NAALADL2: variants seen among roughly 807,000 people sequenced by gnomAD.
NAALADL2 encodes the protein N-acetylated alpha-linked acidic dipeptidase like 2, also known as inactive N-acetylated-alpha-linked acidic dipeptidase-like protein 2.
A neutral mutation model predicts 87.2 loss-of-function variants in NAALADL2; 76 were observed. The ratio of observed to expected loss-of-function variants is 0.87; its 90% confidence interval spans 0.72 to 1.05. The LOEUF is 1.05. Ranked by LOEUF, NAALADL2 falls within the 50% of genes least tolerant of loss-of-function variation. The probability of loss-of-function intolerance (pLI) is 0.00; values close to 1 mark genes in which losing one functional copy is unlikely to be tolerated. For missense variants in NAALADL2, 1,089 were observed against 945.8 expected (o/e 1.15, Z -1.99); for synonymous variants, 354 against 331.0 (o/e 1.07, Z -0.75).
At chr3:175,012,229 G>A (rs1349500560) in intron 1 of NAALADL2, among the ~76,000 whole-genome samples, 1 of 152,128 alleles carries the variant, frequency 6.6e-6, no homozygotes, top group Non-Finnish European at 1.5e-5. Flanking sequence ...CAATGGCCCA[G>A]TCTGGGCTCA....
At chr3:175,578,876 G>A (rs1719309022) in intron 10 of NAALADL2, among the ~76,000 whole-genome samples, 1 of 152,196 alleles carries the variant, frequency 6.6e-6, no homozygotes, top group East Asian at 1.9e-4. Context: ...CTGCCATGTT[G>A]TTTGTCCAAG....
At chr3:174,613,259 G>T (rs1489039696) in intron 2 of NAALADL2, among the ~76,000 whole-genome samples, 1 of 144,598 alleles carries the variant, frequency 6.9e-6, no homozygotes, top group African/African-American at 2.7e-5. Context: ...ATGGTACTGG[G>T]TCTTGCCCAA....
intron 1 of NAALADL2, among the ~76,000 whole-genome samples, chr3:174,455,898 A>G (rs762571099): frequency 2.5e-4 from 38 of 152,168 alleles, no homozygotes; most frequent in Non-Finnish European, 4.9e-4. Flanking sequence ...AAAGAAAAAA[A>G]GGGCATCCAA....
At chr3:175,375,287 A>T (rs1767008780) in intron 5 of NAALADL2, among the ~76,000 whole-genome samples, 1 of 152,150 alleles carries the variant, frequency 6.6e-6, no homozygotes, top group African/African-American at 2.4e-5. Flanking sequence ...TTCAATATAA[A>T]TTTTAAAATA....
chr3:175,441,106 A>G (rs1322743780), intron 5 of NAALADL2, among the ~76,000 whole-genome samples: 1 of 152,038 alleles, frequency 6.6e-6, no homozygotes, highest in Non-Finnish European at 1.5e-5. Context: ...TATAAATTAC[A>G]CTATAAAAAA....
intron 4 of NAALADL2, among the ~76,000 whole-genome samples, chr3:175,289,441 G>A (rs1252626392): frequency 6.6e-6 from 1 of 151,980 alleles, no homozygotes; most frequent in East Asian, 1.9e-4. Context: ...CAAAAAGAGA[G>A]AACCTTGACC....
intron 11 of NAALADL2, among the ~76,000 whole-genome samples, chr3:175,656,601 A>T (rs1025774958): frequency 7.2e-5 from 11 of 152,240 alleles, no homozygotes; most frequent in East Asian, 3.9e-4. Context: ...TATTTTTTTT[A>T]AAAGATAATA....
intron 2 of NAALADL2, among the ~76,000 whole-genome samples, chr3:174,573,301 T>C (rs1375622106): frequency 7.9e-5 from 12 of 152,156 alleles, no homozygotes; most frequent in Admixed American, 7.9e-4. Flanking sequence ...ATGGTCTTAC[T>C]CTGTTGCCCA....
chr3:175,084,552 G>A lies in NAALADL2; in HGVS notation c.44-12238G>A, dbSNP rs113041369. On this transcript the variant is annotated intron_variant, in intron 1 of 13. Coordinates refer to ENST00000454872, the MANE Select transcript of NAALADL2 (RefSeq NM_207015.3). ...ATTACAGTCTGCATAAGACACCTCA[G>A]CATATAAATGTCTCACTATCAATCT... Among the ~76,000 whole-genome samples the A allele has an allele frequency of 6.9e-3, 1,046 of 152,208 alleles. 20 individuals are homozygous for A. Among genetic ancestry groups the A allele is most frequent in the African/African-American group, 0.024 (1,008 of 41,536 alleles).
chr3:175,159,114 C>A (rs905099260), intron 2 of NAALADL2, among the ~76,000 whole-genome samples: 9 of 152,068 alleles, frequency 5.9e-5, no homozygotes, highest in African/African-American at 1.4e-4. Flanking sequence ...CAGATCGATT[C>A]TTTTAGCTTA....
intron 11 of NAALADL2, among the ~76,000 whole-genome samples, chr3:175,669,728 A>T (rs1733676681): frequency 6.6e-6 from 1 of 151,956 alleles, no homozygotes; most frequent in African/African-American, 2.4e-5. Context: ...AAATTAAGGC[A>T]ATATAAGGTA....
chr3:174,526,826 G>A (rs1230886969), intron 1 of NAALADL2, among the ~76,000 whole-genome samples: 1 of 151,820 alleles, frequency 6.6e-6, no homozygotes, highest in African/African-American at 2.4e-5. Context: ...ACAGGCATGT[G>A]CCCCCACACC....
intron 3 of NAALADL2, among the ~76,000 whole-genome samples, chr3:174,817,652 TG>T (rs1156682013): frequency 2.0e-5 from 3 of 152,080 alleles, no homozygotes; most frequent in African/African-American, 7.2e-5. Flanking sequence ...AAATAAAAAT[TG>T]GGGGGAGTGC....
chr3:175,538,349 TC>T (rs1711643578), intron 9 of NAALADL2, among the ~76,000 whole-genome samples: 1 of 152,042 alleles, frequency 6.6e-6, no homozygotes, highest in Admixed American at 6.6e-5. Flanking sequence ...TAACATTTTT[TC>T]CTCCTTAAGT....
intron 3 of NAALADL2, among the ~76,000 whole-genome samples, chr3:174,778,638 C>A (rs1715539110): frequency 6.6e-6 from 1 of 151,986 alleles, no homozygotes; most frequent in Non-Finnish European, 1.5e-5. Flanking sequence ...AGACCCCCAC[C>A]CTGCAACAGG....
chr3:175,381,476 T>G (rs1405998434), intron 5 of NAALADL2, among the ~76,000 whole-genome samples: 1 of 152,064 alleles, frequency 6.6e-6, no homozygotes, highest in African/African-American at 2.4e-5. Flanking sequence ...ATCATATTTA[T>G]TAGTAATGAT....
intron 1 of NAALADL2, among the ~76,000 whole-genome samples, chr3:174,865,076 T>C (rs1189302146): frequency 6.6e-6 from 1 of 152,010 alleles, no homozygotes; most frequent in African/African-American, 2.4e-5. Flanking sequence ...ATCTGCATAG[T>C]CGAACACTTC....
At chr3:175,589,821 C>T (rs62284494) in intron 10 of NAALADL2, among the ~76,000 whole-genome samples, 17,038 of 147,626 alleles carry the variant, frequency 0.12, 1,256 homozygotes, top group Non-Finnish European at 0.17. Context: ...AAACCAAAAA[C>T]CTCCCCGAAT....
intron 2 of NAALADL2, among the ~76,000 whole-genome samples, chr3:174,638,444 G>T (rs1410717468): frequency 6.6e-6 from 1 of 152,130 alleles, no homozygotes. Flanking sequence ...TTTCATGGAA[G>T]GCTAAACAGA....
Sources: allele counts gnomAD v4.1 joint callset (sites outside exome capture counted in the v4.1 genomes callset), GRCh38; gene constraint gnomAD v4.1.1; transcripts MANE v1.5; gene names NCBI Gene and HGNC (gene_info 2026-07-23, HGNC 2026-07-21).